Variants in PMS1 observed in about 807,000 individuals in gnomAD.
PMS1 encodes PMS1 protein homolog 1.
PMS1 carries 79 observed loss-of-function variants against 93.1 expected under a neutral mutation model. That is an observed-to-expected ratio of 0.85 (90% CI 0.71 to 1.02). The LOEUF (loss-of-function observed/expected upper bound fraction) is 1.02. PMS1 is among the 50% of genes least tolerant of loss of function. The pLI, the probability that PMS1 is intolerant of heterozygous loss-of-function variation, is 0.00. For synonymous variants in PMS1, 335 were observed against 363.4 expected (o/e 0.92, Z 0.89); for missense variants, 1,064 against 1,085.3 (o/e 0.98, Z 0.28).
At chr2:189,791,659 C>A in intron 1 of PMS1, 131 bp from the exon 2 acceptor site, 1 of 664,378 alleles carries the variant, frequency 1.5e-6, no homozygotes, top group Non-Finnish European at 2.7e-6. Flanking sequence ...ATTGTATGTG[C>A]TAACAGTTGA....
chr2:189,790,988 C>T (rs1431191287), intron 1 of PMS1, among the ~76,000 whole-genome samples: 1 of 151,274 alleles, frequency 6.6e-6, no homozygotes, highest in Admixed American at 6.6e-5. Context: ...TTCGAGTTTG[C>T]AAGAAAAGTC....
chr2:189,813,263 T>G (rs747224517), intron 4 of PMS1, among the ~76,000 whole-genome samples: 1 of 152,152 alleles, frequency 6.6e-6, no homozygotes, highest in Admixed American at 6.5e-5. Flanking sequence ...GAAAGGAAGG[T>G]TAGGTGTAGT....
At position 189,854,903 on chromosome 2, in the gene PMS1, AT is replaced by A. The variant is rs2055153082; in HGVS notation, c.1633del (p.Ser545HisfsTer8). The A allele has an allele frequency of 4.4e-6, 7 of 1,604,506 alleles. No individual in the cohort carries two copies. In the East Asian group the frequency reaches 1.6e-4, roughly 36 times the overall value. On this transcript the variant is annotated frameshift_variant, in exon 9 of 13. Transcript: ENST00000441310. LOFTEE classifies it high-confidence loss of function. The part of the protein sequence containing the change: ...PIPEQMNLNE[D>X]SCNKKSNVID... ...CCTGAACAAATGAATCTTAATGAAG[AT>A]TCATGTAACAAAAAATCAAATGTAA... is the stretch of plus-strand genomic sequence containing the variant.
chr2:189,841,751 A>G (rs564866074), intron 5 of PMS1, among the ~76,000 whole-genome samples: 14 of 12,558 alleles, frequency 1.1e-3, no homozygotes, highest in African/African-American at 4.8e-3. Context: ...GACTCTCCCA[A>G]GAGTGTGCTG....
At chr2:189,837,157 G>GT in intron 5 of PMS1, among the ~76,000 whole-genome samples, 1 of 149,750 alleles carries the variant, frequency 6.7e-6, no homozygotes, top group Middle Eastern at 3.4e-3. Context: ...TTGTGAATAA[G>GT]TTTGGTGTTT....
intron 5 of PMS1, among the ~76,000 whole-genome samples, chr2:189,831,395 A>G (rs2052918311): frequency 6.6e-6 from 1 of 152,218 alleles, no homozygotes; most frequent in Middle Eastern, 3.2e-3. Flanking sequence ...GTAGGCTTTA[A>G]GGGCCTGAAT....
At chr2:189,851,939 G>A (rs2054778795) in intron 6 of PMS1, among the ~76,000 whole-genome samples, 1 of 152,172 alleles carries the variant, frequency 6.6e-6, no homozygotes. Context: ...GTGGGAGCAT[G>A]TTCTCTGCTT....
intron 5 of PMS1, among the ~76,000 whole-genome samples, chr2:189,824,950 A>G (rs2052295692): frequency 6.6e-6 from 1 of 152,098 alleles, no homozygotes; most frequent in African/African-American, 2.4e-5. Context: ...GCCTACTTTC[A>G]TCATTCTATA....
At chr2:189,835,545 A>C (rs1029773656) in intron 5 of PMS1, among the ~76,000 whole-genome samples, 3 of 152,304 alleles carry the variant, frequency 2.0e-5, no homozygotes, top group Admixed American at 6.5e-5. Flanking sequence ...AGTCAGAGTC[A>C]GTGCAAGTAC....
intron 6 of PMS1, among the ~76,000 whole-genome samples, chr2:189,849,510 T>C (rs536893293): frequency 1.3e-5 from 2 of 152,316 alleles, no homozygotes; most frequent in South Asian, 4.1e-4. Flanking sequence ...AAAGTCCTTT[T>C]CATATTGCTC....
Position 189,853,984 on chromosome 2 carries a change from C to A in PMS1, c.868C>A (p.Arg290Ser). ...TCTGAAATGCCTAAAGGAATCTACTCGTTTGTATCCTGTTTTCTTTCTGAA... is the reference window on the plus strand; with the variant it reads ...TCTGAAATGCCTAAAGGAATCTACTAGTTTGTATCCTGTTTTCTTTCTGAA... ...YNLKCLKESTRLYPVFFLKID... is the reference protein window; with the variant it reads ...YNLKCLKESTSLYPVFFLKID... The change falls in exon 8 of 13, where the codon CGT (arginine) becomes AGT (serine). Residue 290 changes from arginine (R) to serine (S), a missense_variant. By Grantham distance (110) the Arg-to-Ser change is moderately radical. Transcript: ENST00000441310. The A allele has an allele frequency of 6.2e-7, 1 of 1,606,304 alleles. No homozygotes were observed. Among genetic ancestry groups the A allele is most frequent in the Non-Finnish European group, 8.5e-7 (1 of 1,175,302 alleles).
chr2:189,816,692 A>G (rs776156270), intron 4 of PMS1, among the ~76,000 whole-genome samples: 1 of 152,172 alleles, frequency 6.6e-6, no homozygotes, highest in Non-Finnish European at 1.5e-5. Flanking sequence ...CTTTAAAACT[A>G]CGTAAAATTT....
At position 189,807,540 on chromosome 2, in the gene PMS1, A is replaced by G. The variant is rs967566086; in HGVS notation, c.418+1786A>G. Among the ~76,000 whole-genome samples the G allele has an allele frequency of 2.0e-5, 3 of 152,274 alleles. No individual in the cohort carries two copies. The East Asian group carries it at 5.8e-4, about 29-fold the overall frequency. ...CTAGTCGCCTTATAAAACTTAAAGG[A>G]ATTTATTTTTGTCTTAGTAGTGACC... On this transcript the variant is annotated intron_variant, in intron 4 of 12. Coordinates refer to ENST00000441310, the MANE Select transcript of PMS1 (RefSeq NM_000534.5).
chr2:189,808,269 C>T (rs1002577506), intron 4 of PMS1, among the ~76,000 whole-genome samples: 1 of 152,064 alleles, frequency 6.6e-6, no homozygotes, highest in Non-Finnish European at 1.5e-5. Context: ...GAACAACTTA[C>T]AACATAATTT....
intron 5 of PMS1, among the ~76,000 whole-genome samples, chr2:189,818,945 T>C (rs1274512783): frequency 6.6e-6 from 1 of 152,236 alleles, no homozygotes; most frequent in Non-Finnish European, 1.5e-5. Context: ...GTAATTTTGT[T>C]ACATGGATAT....
At chr2:189,852,632 CA>C in intron 6 of PMS1, 22 bp from the exon 7 acceptor site, 1 of 1,598,512 alleles carries the variant, frequency 6.3e-7, no homozygotes, top group Non-Finnish European at 8.6e-7. Context: ...GTTGACATTG[CA>C]TATTCTGTAA....
At chr2:189,873,853 G>A (rs1016678767) in intron 12 of PMS1, among the ~76,000 whole-genome samples, 197 bp downstream of exon 12, 12 of 152,012 alleles carry the variant, frequency 7.9e-5, no homozygotes, top group Non-Finnish European at 1.6e-4. Context: ...CTGTGTATGC[G>A]AGGGATCGAG....
At chr2:189,792,689 A>ATATG (rs1553555008) in intron 2 of PMS1, among the ~76,000 whole-genome samples, 1 of 21,826 alleles carries the variant, frequency 4.6e-5, no homozygotes, top group African/African-American at 6.0e-4. Flanking sequence ...ATGGACACAA[A>ATATG]TATATATATA....
chr2:189,867,229 G>C (rs933969770), intron 10 of PMS1, among the ~76,000 whole-genome samples: 7 of 152,272 alleles, frequency 4.6e-5, no homozygotes, highest in Admixed American at 2.6e-4. Context: ...AATATGTGTG[G>C]TTGATTTGTA....
Sources: gnomAD v4.1 joint callset for allele counts (sites outside exome capture counted in the v4.1 genomes callset) on GRCh38, gnomAD v4.1.1 for gene constraint, MANE v1.5 for transcripts, NCBI Gene and HGNC (gene_info 2026-07-23, HGNC 2026-07-21) for gene names.